BFSP1: variants seen among roughly 807,000 people sequenced by gnomAD.
The protein encoded by BFSP1 is beaded filament structural protein 1.
In BFSP1, 38 loss-of-function variants were observed where a neutral mutation model predicts 43.9. The observed-to-expected ratio is 0.87, with a 90% confidence interval of 0.67 to 1.14. BFSP1 has a LOEUF of 1.14. Ranked by LOEUF, BFSP1 falls within the 50% of genes most tolerant of loss-of-function variation. The pLI, the probability that BFSP1 is intolerant of heterozygous loss-of-function variation, is 0.00. For missense variants in BFSP1, 850 were observed against 875.1 expected, an observed-to-expected ratio of 0.97 and a Z score of 0.36; for synonymous variants, 352 against 354.8, an observed-to-expected ratio of 0.99 and a Z score of 0.09.
At chr20:17,498,687 T>C (rs1380300992) in intron 6 of BFSP1, 133 bp downstream of exon 6, 2 of 1,056,572 alleles carry the variant, frequency 1.9e-6, no homozygotes, top group African/African-American at 1.6e-5. Flanking sequence ...CCAACACCCA[T>C]GGGGTCAGGA....
intron 2 of BFSP1, among the ~76,000 whole-genome samples, chr20:17,519,984 C>T (rs1208798754): frequency 1.3e-5 from 2 of 152,238 alleles, no homozygotes; most frequent in Non-Finnish European, 2.9e-5. Flanking sequence ...CCAGCAGAAT[C>T]ATCTAGATTT....
At chr20:17,534,767 C>A (rs2034599773), upstream of BFSP1, among the ~76,000 whole-genome samples, 1 of 152,166 alleles carries the variant, frequency 6.6e-6, no homozygotes. Flanking sequence ...TGCCTGTAAT[C>A]CTAGCACTTT....
upstream of BFSP1, among the ~76,000 whole-genome samples, chr20:17,535,972 T>C (rs2034623315): frequency 6.6e-6 from 1 of 152,082 alleles, no homozygotes; most frequent in Admixed American, 6.6e-5. Context: ...AAACAGGGTC[T>C]TGCTATGTTA....
chr20:17,505,947 C>CA (rs1340712445), intron 5 of BFSP1, among the ~76,000 whole-genome samples: 2 of 151,964 alleles, frequency 1.3e-5, no homozygotes, highest in Admixed American at 6.5e-5. Context: ...TGTTACATGG[C>CA]AAAAAGGGAC....
In BFSP1 at chr20:17,531,031, C is replaced by T. The variant is rs974574361; in HGVS notation, c.299G>A (p.Arg100Gln). ...RQVESNRQRV[R>Q]DLEAERARLE... Reference sequence around the variant, plus strand: ...CCGGGCGCGCTCGGCCTCCAGGTCCCGGACGCGCTGGCGGTTGCTCTCGAC... The same window carrying T: ...CCGGGCGCGCTCGGCCTCCAGGTCCTGGACGCGCTGGCGGTTGCTCTCGAC... Residue 100 changes from arginine to glutamine, a missense_variant, in exon 1 of 8, where the codon CGG becomes CAG. Physicochemically the swap from Arg to Gln is conservative, Grantham distance 43. Transcript: ENST00000377873. 1.4e-6 allele frequency: 2 copies of T among 1,422,554 alleles called. No individual in the cohort carries two copies. The highest frequency in any genetic ancestry group is 1.8e-6 in the Non-Finnish European group (2 of 1,091,842). 88.1% of individuals were successfully genotyped at this position (1,422,554 alleles called of 1,614,324 possible).
upstream of BFSP1, among the ~76,000 whole-genome samples, chr20:17,561,327 T>A (rs1218847293): frequency 1.3e-5 from 2 of 151,746 alleles, no homozygotes; most frequent in Non-Finnish European, 2.9e-5. Context: ...TGAAACCCCG[T>A]CTGTACTAAA....
intron 1 of BFSP1, among the ~76,000 whole-genome samples, chr20:17,544,020 C>T (rs896321742): frequency 4.6e-5 from 7 of 152,110 alleles, no homozygotes; most frequent in African/African-American, 7.2e-5. Context: ...TTTAAGCATC[C>T]GTCTTAGCTT....
intron 7 of BFSP1, 58 bp from the exon 8 acceptor site, chr20:17,495,087 T>TAGGCTAC: frequency 1.3e-6 from 2 of 1,484,874 alleles, no homozygotes; most frequent in Non-Finnish European, 9.1e-7. Context: ...AGAAAGAAAA[T>TAGGCTAC]ACGCTGGTTG....
At chr20:17,527,587 G>A (rs2034448599) in intron 1 of BFSP1, among the ~76,000 whole-genome samples, 1 of 152,144 alleles carries the variant, frequency 6.6e-6, no homozygotes, top group Non-Finnish European at 1.5e-5. Context: ...AATTAGCAGG[G>A]TGTGGTAGTG....
intron 2 of BFSP1, among the ~76,000 whole-genome samples, chr20:17,520,228 C>A (rs1243456627): frequency 5.3e-5 from 8 of 151,192 alleles, no homozygotes; most frequent in African/African-American, 1.9e-4. Flanking sequence ...ACCCCGCCCA[C>A]CTTTCACCCC....
intron 1 of BFSP1, among the ~76,000 whole-genome samples, chr20:17,564,837 T>C (rs746520378): frequency 6.6e-6 from 1 of 152,044 alleles, no homozygotes; most frequent in African/African-American, 2.4e-5. Context: ...GATCTGCCCA[T>C]CTCAGCCTCC....
chr20:17,526,836 T>C (rs1425765981), intron 1 of BFSP1, among the ~76,000 whole-genome samples: 1 of 152,250 alleles, frequency 6.6e-6, no homozygotes, highest in Non-Finnish European at 1.5e-5. Context: ...CTGTTGTTTT[T>C]TGTTTTGTTT....
At chr20:17,520,210 G>GGGCC (rs2034287870) in intron 2 of BFSP1, among the ~76,000 whole-genome samples, 2 of 133,356 alleles carry the variant, frequency 1.5e-5, no homozygotes, top group African/African-American at 3.0e-5. Flanking sequence ...GTTTTAACGT[G>GGGCC]CCCCCCCACC....
At chr20:17,527,155 A>C (rs1220602669) in intron 1 of BFSP1, among the ~76,000 whole-genome samples, 1 of 152,270 alleles carries the variant, frequency 6.6e-6, no homozygotes, top group East Asian at 1.9e-4. Flanking sequence ...AGTTCTATCT[A>C]GGAAACTAAA....
intron 1 of BFSP1, among the ~76,000 whole-genome samples, chr20:17,569,010 G>A (rs1466455834): frequency 6.6e-6 from 1 of 152,164 alleles, no homozygotes; most frequent in African/African-American, 2.4e-5. Flanking sequence ...CCGCCCATTA[G>A]AAAAACACAA....
chr20:17,567,126 G>A (rs1018415168), intron 1 of BFSP1, among the ~76,000 whole-genome samples: 1 of 152,116 alleles, frequency 6.6e-6, no homozygotes, highest in Admixed American at 6.5e-5. Flanking sequence ...CTTTCCCTCC[G>A]TGTGGAGAGG....
intron 1 of BFSP1, among the ~76,000 whole-genome samples, chr20:17,568,931 C>T (rs2035155579): frequency 6.6e-6 from 1 of 152,142 alleles, no homozygotes; most frequent in African/African-American, 2.4e-5. Flanking sequence ...CTTTATTTCC[C>T]ACAAAAACAC....
At chr20:17,522,817 C>A (rs748106608) in intron 2 of BFSP1, among the ~76,000 whole-genome samples, 2 of 152,210 alleles carry the variant, frequency 1.3e-5, no homozygotes, top group Non-Finnish European at 2.9e-5. Context: ...ATTGTGATTC[C>A]ATTTCACAGA....
Position 17,558,857 on chromosome 20 carries a change from G to A in BFSP1, c.-168C>T, listed in dbSNP as rs998904840. 4.3e-6 allele frequency: 4 copies of A among 936,012 alleles called. No individual in the cohort carries two copies. The Admixed American group carries it at 1.3e-4, about 31-fold the overall frequency. The allele number at this position is 936,012 out of a possible 1,614,324, so 58.0% of individuals were successfully genotyped here. A position where few individuals can be genotyped will look rare whatever the true frequency, so the allele number is the denominator to read the frequency against. On this transcript the variant is annotated 5_prime_UTR_variant, in exon 1 of 8. Coordinates refer to the BFSP1 transcript ENST00000377868. ...AGAAAGGAGGCTTTAGAGGTTTGCA[G>A]AGAGGAAGTGACTCACTGGCTCAAG... is the stretch of plus-strand genomic sequence containing the variant.
Sources: allele counts gnomAD v4.1 joint callset (sites outside exome capture counted in the v4.1 genomes callset), GRCh38; gene constraint gnomAD v4.1.1; transcripts MANE v1.5; gene names NCBI Gene and HGNC (gene_info 2026-07-23, HGNC 2026-07-21).